Variants in LRRK2 observed in about 807,000 individuals in gnomAD.
LRRK2 encodes the protein leucine rich repeat kinase 2.
LRRK2 carries 203 observed loss-of-function variants against 302.6 expected under a neutral mutation model. That is an observed-to-expected ratio of 0.67 (90% CI 0.60 to 0.75). The LOEUF (loss-of-function observed/expected upper bound fraction) is 0.75, where lower values mean the gene tolerates loss of function less well. Among genes scored for constraint, LRRK2 ranks in the 30% least tolerant of loss-of-function variants. The pLI, the probability that LRRK2 is intolerant of heterozygous loss-of-function variation, is 0.00. For missense variants in LRRK2, 2,830 were observed against 2,951.0 expected (o/e 0.96, Z 0.95); for synonymous variants, 1,066 against 1,031.9 (o/e 1.03, Z -0.63).
intron 10 of LRRK2, among the ~76,000 whole-genome samples, chr12:40,252,672 T>C (rs1465937642): frequency 6.6e-6 from 1 of 152,178 alleles, no homozygotes; most frequent in South Asian, 2.1e-4. Flanking sequence ...TCTGCTGAGC[T>C]TTTTTATTTC....
At chr12:40,355,169 G>T (rs1946487974) in intron 45 of LRRK2, among the ~76,000 whole-genome samples, 1 of 151,780 alleles carries the variant, frequency 6.6e-6, no homozygotes, top group Non-Finnish European at 1.5e-5. Context: ...CCTGTTTTTT[G>T]TACCTGAAAT....
intron 46 of LRRK2, among the ~76,000 whole-genome samples, 159 bp from the exon 47 acceptor site, chr12:40,359,099 TAA>T (rs1413671209): frequency 6.6e-6 from 1 of 152,138 alleles, no homozygotes; most frequent in Non-Finnish European, 1.5e-5. Flanking sequence ...TTATCAGAAC[TAA>T]GAGTTTTTTT....
chr12:40,258,936 C>A (rs1161487420), intron 12 of LRRK2, among the ~76,000 whole-genome samples: 1 of 152,058 alleles, frequency 6.6e-6, no homozygotes, highest in Non-Finnish European at 1.5e-5. Flanking sequence ...GACATTTGCT[C>A]ATATGTAAAA....
chr12:40,266,567 GT>G (rs1943023522), intron 14 of LRRK2, among the ~76,000 whole-genome samples: 1 of 152,140 alleles, frequency 6.6e-6, no homozygotes, highest in African/African-American at 2.4e-5. Flanking sequence ...CTGTAAACTA[GT>G]TCAACCATTG....
At chr12:40,333,982 A>G (rs1464331381) in intron 39 of LRRK2, among the ~76,000 whole-genome samples, 1 of 152,134 alleles carries the variant, frequency 6.6e-6, no homozygotes, top group African/African-American at 2.4e-5. Context: ...TCAGGTGCTG[A>G]GGCCGTGGAA....
intron 4 of LRRK2, among the ~76,000 whole-genome samples, chr12:40,236,805 A>G (rs556272005): frequency 2.6e-5 from 4 of 152,324 alleles, no homozygotes; most frequent in Non-Finnish European, 5.9e-5. Context: ...GTTGTATGGC[A>G]TGCACTAAGA....
intron 27 of LRRK2, chr12:40,304,570 A>G (rs1375074173): frequency 6.0e-6 from 1 of 166,236 alleles, no homozygotes. Context: ...ATTATAGATT[A>G]ACTCAAATTA....
chr12:40,297,686 T>C (rs919889510), intron 23 of LRRK2, among the ~76,000 whole-genome samples: 2 of 152,096 alleles, frequency 1.3e-5, no homozygotes, highest in Admixed American at 6.6e-5. Flanking sequence ...AAAATTGACA[T>C]AATGTGTAAG....
At chr12:40,298,897 T>G (rs1944510139) in intron 24 of LRRK2, among the ~76,000 whole-genome samples, 1 of 127,296 alleles carries the variant, frequency 7.9e-6, no homozygotes, top group Admixed American at 9.1e-5. Flanking sequence ...TTATTATATA[T>G]ATACTATATA....
At position 40,364,984 on chromosome 12, in the gene LRRK2, C is replaced by G; in HGVS notation, c.7324C>G (p.Arg2442Gly). 6.2e-7 allele frequency: 1 copy of G among 1,612,598 alleles called. No homozygotes were observed. The highest frequency in any genetic ancestry group is 8.5e-7 in the Non-Finnish European group (1 of 1,179,074). Residue 2442 changes from arginine to glycine, a missense_variant, in exon 49 of 51, where the codon CGT becomes GGT. Coordinates refer to ENST00000298910, the MANE Select transcript of LRRK2 (RefSeq NM_198578.4). Reference protein sequence around the residue: ...GHILLLDLSTRRLIRVIYNFC... With the variant: ...GHILLLDLSTGRLIRVIYNFC... ...TATTTTACTCCTGGATCTTTCAACTCGTCGACTTATACGTGTAATTTACAA... is the reference window on the plus strand; with the variant it reads ...TATTTTACTCCTGGATCTTTCAACTGGTCGACTTATACGTGTAATTTACAA...
At chr12:40,317,769 G>A (rs1467928748) in intron 33 of LRRK2, among the ~76,000 whole-genome samples, 1 of 152,086 alleles carries the variant, frequency 6.6e-6, no homozygotes. Context: ...GGAATGTTAG[G>A]AGCTCTTTTA....
chr12:40,294,128 CTATCATCTATCTATCTATCT>C (rs1444656920), intron 21 of LRRK2, among the ~76,000 whole-genome samples: 2 of 110,318 alleles, frequency 1.8e-5, no homozygotes, highest in African/African-American at 6.6e-5. Context: ...ATCTATCTAT[CTATCATCTATCTATCTATCT>C]ATCTATCTAT....
intron 23 of LRRK2, among the ~76,000 whole-genome samples, chr12:40,296,910 C>T (rs1944406728): frequency 6.6e-6 from 1 of 152,106 alleles, no homozygotes; most frequent in African/African-American, 2.4e-5. Flanking sequence ...TTAACTGTCA[C>T]TTCATCACTC....
chr12:40,245,484 TCAAGTCACCATACATTCTTTTTTAGG>T, intron 7 of LRRK2, among the ~76,000 whole-genome samples: 1 of 152,248 alleles, frequency 6.6e-6, no homozygotes, highest in South Asian at 2.1e-4. Context: ...AGCTAATAGG[TCAAGTCACCATACATTCTTTTTTAGG>T]CACAGCTTGC....
In LRRK2 at chr12:40,368,170, C is replaced by T. The variant is rs200503610; in HGVS notation, c.*405C>T. ...TTGTCGATTTTTCTAGAAATCTGCACGGTATAATGAAAATATTAAGACAGT... is the reference window on the plus strand; with the variant it reads ...TTGTCGATTTTTCTAGAAATCTGCATGGTATAATGAAAATATTAAGACAGT... On this transcript the variant is annotated 3_prime_UTR_variant, in exon 51 of 51. Coordinates refer to ENST00000298910, the MANE Select transcript of LRRK2 (RefSeq NM_198578.4). The T allele has an allele frequency of 2.5e-4, 39 of 157,534 alleles. No homozygotes were observed. Among genetic ancestry groups the T allele is most frequent in the Non-Finnish European group, 3.9e-4 (28 of 71,588 alleles). 9.8% of individuals were successfully genotyped at this position (157,534 alleles called of 1,614,324 possible). A position where few individuals can be genotyped will look rare whatever the true frequency, so the allele number is the denominator to read the frequency against.
At chr12:40,351,427 A>G in intron 43 of LRRK2, 112 bp from the exon 44 acceptor site, 1 of 926,472 alleles carries the variant, frequency 1.1e-6, no homozygotes, top group Non-Finnish European at 1.7e-6. Context: ...TTCCAGTTTA[A>G]CAGTTTTAGG....
rs190631149 is a variant in LRRK2, at chr12:40,277,991, A to G, written c.2045A>G (p.Asn682Ser). The G allele has an allele frequency of 1.2e-6, 2 of 1,613,778 alleles. No homozygotes were observed. The highest frequency in any genetic ancestry group is 1.7e-6 in the Non-Finnish European group (2 of 1,179,940). ...DLVIFHQMSS[N>S]IMEQKDQQFL... ...GTAATATTCCATCAAATGTCTTCCA[A>G]TATCATGGAACAAAAGGATCAACAG... The change falls in exon 17 of 51, where the codon AAT (asparagine) becomes AGT (serine). Residue 682 changes from asparagine (N) to serine (S), a missense_variant. Asn to Ser is a conservative substitution (Grantham distance 46, BLOSUM62 1). Coordinates refer to ENST00000298910, the MANE Select transcript of LRRK2 (RefSeq NM_198578.4).
chr12:40,256,803 G>A (rs1039308537), intron 11 of LRRK2, among the ~76,000 whole-genome samples: 1 of 152,166 alleles, frequency 6.6e-6, no homozygotes, highest in Non-Finnish European at 1.5e-5. Flanking sequence ...CTCATTCCCA[G>A]CCCACCAGTG....
chr12:40,250,430 A>G (rs1054374030), intron 8 of LRRK2, among the ~76,000 whole-genome samples: 5 of 152,112 alleles, frequency 3.3e-5, no homozygotes, highest in African/African-American at 1.2e-4. Context: ...GTAGGAGTTG[A>G]AGTGAGCTGA....
Sources: gnomAD v4.1 joint callset for allele counts (sites outside exome capture counted in the v4.1 genomes callset) on GRCh38, gnomAD v4.1.1 for gene constraint, MANE v1.5 for transcripts, NCBI Gene and HGNC (gene_info 2026-07-23, HGNC 2026-07-21) for gene names.